CEMIP2: variants seen among roughly 807,000 people sequenced by gnomAD.
CEMIP2 encodes cell migration inducing hyaluronidase 2.
Under a neutral mutation model 146.9 loss-of-function variants are expected in CEMIP2, and 79 were observed. The observed-to-expected ratio is 0.54, with a 90% confidence interval of 0.45 to 0.65. CEMIP2 has a LOEUF of 0.65. Among genes scored for constraint, CEMIP2 ranks in the 30% least tolerant of loss-of-function variants. The pLI is 0.00. For missense variants in CEMIP2, 1,596 were observed against 1,696.2 expected, an observed-to-expected ratio of 0.94 and a Z score of 1.04; for synonymous variants, 601 against 606.3, an observed-to-expected ratio of 0.99 and a Z score of 0.13.
Position 71,732,418 on chromosome 9 carries a change from T to C in CEMIP2, c.1496A>G (p.Glu499Gly). The change falls in exon 7 of 24, where the codon GAG (glutamate) becomes GGG (glycine). Residue 499 changes from glutamate (E) to glycine (G), a missense_variant. Coordinates refer to ENST00000377044, the MANE Select transcript of CEMIP2 (RefSeq NM_013390.3). ...TRNIVIQGEV[E>G]DSCYAENQCQ... Reference sequence around the variant, plus strand: ...CTGATTTTCTGCGTAGCATGAGTCCTCCACTTCTCCTTGGATCACAATATT... The same window carrying C: ...CTGATTTTCTGCGTAGCATGAGTCCCCCACTTCTCCTTGGATCACAATATT... 6.2e-7 allele frequency: 1 copy of C among 1,614,066 alleles called. No individual in the cohort carries two copies. The highest frequency in any genetic ancestry group is 8.5e-7 in the Non-Finnish European group (1 of 1,180,012).
rs1003402369 is a variant in CEMIP2 at position 71,758,598 on chromosome 9, C to A, written c.-12-8213G>T. On this transcript the variant is annotated intron_variant, in intron 1 of 23. Coordinates refer to ENST00000377044, the MANE Select transcript of CEMIP2 (RefSeq NM_013390.3). ...GAACCGAACCTCACAGGTAGCACCC[C>A]TGAGAGGAGAGACGGCAAATGTCTC... is the stretch of plus-strand genomic sequence containing the variant. 3.9e-5 allele frequency among the ~76,000 whole-genome samples: 6 copies of A among 152,256 alleles called. 1 individual carries two copies. The highest frequency in any genetic ancestry group is 2.6e-4 in the Admixed American group (4 of 15,288).
At chr9:71,723,783 A>G (rs1823309229) in intron 11 of CEMIP2, among the ~76,000 whole-genome samples, 1 of 152,156 alleles carries the variant, frequency 6.6e-6, no homozygotes, top group Non-Finnish European at 1.5e-5. Context: ...GTGTGTGCGC[A>G]CACATGTGGG....
intron 5 of CEMIP2, among the ~76,000 whole-genome samples, chr9:71,738,372 A>G (rs535433660): frequency 5.8e-4 from 89 of 152,282 alleles, no homozygotes; most frequent in African/African-American, 2.1e-3. Context: ...AAAATTAGCC[A>G]GGCGTGGTGG....
At chr9:71,744,346 G>T (rs145099828) in intron 4 of CEMIP2, among the ~76,000 whole-genome samples, 208 of 152,266 alleles carry the variant, frequency 1.4e-3, no homozygotes, top group African/African-American at 4.7e-3. Flanking sequence ...CTGCACTCCA[G>T]CTCGGGCAAC....
intron 7 of CEMIP2, among the ~76,000 whole-genome samples, chr9:71,731,715 G>C (rs1823621923): frequency 7.4e-6 from 1 of 134,688 alleles, no homozygotes; most frequent in Non-Finnish European, 1.6e-5. Flanking sequence ...CTGGGTGACA[G>C]AATGAGACTG....
In CEMIP2 at chr9:71,712,224, C is replaced by T. The variant is rs1338897068; in HGVS notation, c.2628G>A (p.Gly876=). 2 of 1,614,042 alleles carry T rather than the reference C, an allele frequency of 1.2e-6. No homozygotes were observed. The highest frequency in any genetic ancestry group is 8.5e-7 in the Non-Finnish European group (1 of 1,179,990). ...AAGTGCTCCTTGTGAGATGAATGGG[C>T]CCATCATAAATCTGAAAGCCTCTAA... ...FPIRGFQIYD[G]PIHLTRSTFK... Residue 876 remains glycine (G), a synonymous_variant, in exon 16 of 24, where the codon GGG becomes GGA. Coordinates refer to ENST00000377044, the MANE Select transcript of CEMIP2 (RefSeq NM_013390.3).
intron 5 of CEMIP2, 47 bp from the exon 6 acceptor site, chr9:71,735,041 T>C: frequency 6.5e-7 from 1 of 1,540,436 alleles, no homozygotes; most frequent in Non-Finnish European, 8.7e-7. Flanking sequence ...ACATTAACAG[T>C]ATTTTTTTCT....
intron 19 of CEMIP2, among the ~76,000 whole-genome samples, chr9:71,698,651 C>T (rs1822469427): frequency 6.6e-6 from 1 of 152,232 alleles, no homozygotes; most frequent in Non-Finnish European, 1.5e-5. Context: ...GGAACTGTGA[C>T]TTCTTTGGCT....
intron 4 of CEMIP2, among the ~76,000 whole-genome samples, chr9:71,744,740 CCTGA>C (rs542393384): frequency 7.7e-4 from 117 of 152,268 alleles, no homozygotes; most frequent in African/African-American, 2.0e-3. Context: ...CCTTAAACTG[CCTGA>C]CTGTTTTTCA....
chr9:71,690,026 T>C (rs1447120568), intron 22 of CEMIP2, 66 bp downstream of exon 22: 1 of 1,569,928 alleles, frequency 6.4e-7, no homozygotes, highest in Non-Finnish European at 8.7e-7. Flanking sequence ...GACCAGGCAT[T>C]ATCAGTTTGG....
At chr9:71,722,249 A>G (rs1368809405) in intron 12 of CEMIP2, among the ~76,000 whole-genome samples, 178 bp downstream of exon 12, 1 of 152,240 alleles carries the variant, frequency 6.6e-6, no homozygotes, top group African/African-American at 2.4e-5. Flanking sequence ...TCAATAAGAT[A>G]AAAGACCAGT....
intron 6 of CEMIP2, 61 bp downstream of exon 6, chr9:71,734,745 C>A: frequency 6.8e-7 from 1 of 1,460,510 alleles, no homozygotes. Context: ...AAAAGGATTT[C>A]AGGAATCAAA....
rs1589124469 is a variant in CEMIP2, at chr9:71,690,263, A to G, written c.3697-17T>C. On this transcript the variant is annotated splice_polypyrimidine_tract_variant and intron_variant, in intron 21 of 23. Transcript: ENST00000377044. ...GCCATTGACCTGAGAATGCAAAAAC[A>G]TCTTCTGCTGTCATCATCATTTTGA... 6.2e-7 allele frequency: 1 copy of G among 1,612,340 alleles called. No homozygotes were observed. Among genetic ancestry groups the G allele is most frequent in the South Asian group, 1.1e-5 (1 of 91,040 alleles).
intron 1 of CEMIP2, among the ~76,000 whole-genome samples, chr9:71,764,042 A>T (rs548396341): frequency 6.6e-6 from 1 of 152,348 alleles, no homozygotes; most frequent in South Asian, 2.1e-4. Context: ...GAAGAAGAAA[A>T]AAAAGAACAT....
At chr9:71,713,361 T>C (rs1472929774) in intron 15 of CEMIP2, among the ~76,000 whole-genome samples, 1 of 152,190 alleles carries the variant, frequency 6.6e-6, no homozygotes, top group African/African-American at 2.4e-5. Flanking sequence ...TGACTTGCTC[T>C]CATTGCCTTC....
At chr9:71,705,994 C>T (rs145481365) in intron 17 of CEMIP2, among the ~76,000 whole-genome samples, 27 of 151,756 alleles carry the variant, frequency 1.8e-4, no homozygotes, top group Middle Eastern at 3.4e-3. Context: ...TTTGGGAGGC[C>T]GAGGCAGGCA....
intron 1 of CEMIP2, among the ~76,000 whole-genome samples, chr9:71,760,018 T>TA (rs34841456): frequency 0.058 from 8,290 of 143,844 alleles, 235 homozygotes; most frequent in Middle Eastern, 0.11. Flanking sequence ...TAAATTTACT[T>TA]AAAAAAAAAA....
intron 1 of CEMIP2, among the ~76,000 whole-genome samples, chr9:71,759,283 C>A (rs1360450251): frequency 6.6e-6 from 1 of 152,080 alleles, no homozygotes; most frequent in Non-Finnish European, 1.5e-5. Context: ...CACCACGTAT[C>A]ACTCAGATTA....
intron 20 of CEMIP2, among the ~76,000 whole-genome samples, chr9:71,697,397 G>A (rs959019860): frequency 2.0e-5 from 3 of 152,022 alleles, no homozygotes; most frequent in African/African-American, 2.4e-5. Flanking sequence ...TCCAGTAGGC[G>A]GCCATCTAAT....
Sources: allele counts gnomAD v4.1 joint callset (sites outside exome capture counted in the v4.1 genomes callset), GRCh38; gene constraint gnomAD v4.1.1; transcripts MANE v1.5; gene names NCBI Gene and HGNC (gene_info 2026-07-23, HGNC 2026-07-21).